ENTREP1: variants seen among roughly 807,000 people sequenced by gnomAD.
ENTREP1 encodes Friedreich ataxia region gene X123.
chr9:69,361,543 C>T, the ENTREP1 span, among the ~76,000 whole-genome samples: 33 of 152,268 alleles, frequency 2.2e-4, no homozygotes, highest in Non-Finnish European at 4.0e-4. Flanking sequence ...CTGTTATTGG[C>T]ATTTTGGTTC....
the ENTREP1 span, chr9:69,381,000 G>A: frequency 2.6e-5 from 4 of 152,398 alleles, no homozygotes; most frequent in African/African-American, 7.2e-5. Flanking sequence ...CAGCAACCCT[G>A]TACCCAGTCA....
chr9:69,347,561 C>T, the ENTREP1 span, among the ~76,000 whole-genome samples: 1 of 152,204 alleles, frequency 6.6e-6, no homozygotes, highest in Non-Finnish European at 1.5e-5. Flanking sequence ...GAGAGAGAAG[C>T]TTACATTCAA....
chr9:69,372,545 C>T, the ENTREP1 span, among the ~76,000 whole-genome samples: 1 of 152,096 alleles, frequency 6.6e-6, no homozygotes, highest in Non-Finnish European at 1.5e-5. Flanking sequence ...ATATAATATT[C>T]CATTGTATAT....
chr9:69,345,287 A>T, the ENTREP1 span, among the ~76,000 whole-genome samples: 1 of 152,204 alleles, frequency 6.6e-6, no homozygotes, highest in African/African-American at 2.4e-5. Flanking sequence ...AGAGAAAATA[A>T]TGATCTCTAA....
the ENTREP1 span, chr9:69,383,533 T>C: frequency 6.4e-7 from 1 of 1,561,824 alleles, no homozygotes; most frequent in Non-Finnish European, 8.7e-7. Flanking sequence ...TGAGTGGTTT[T>C]CCCCACAGTT....
chr9:69,364,065 AC>A, the ENTREP1 span, among the ~76,000 whole-genome samples: 1 of 152,240 alleles, frequency 6.6e-6, no homozygotes, highest in South Asian at 2.1e-4. Context: ...AAATTCTGGT[AC>A]CAAACCTAAT....
chr9:69,365,909 ATTAT>A, the ENTREP1 span, among the ~76,000 whole-genome samples: 1 of 152,112 alleles, frequency 6.6e-6, no homozygotes, highest in African/African-American at 2.4e-5. Flanking sequence ...TATACCATAT[ATTAT>A]TTATTCATTC....
At chr9:69,325,733 G>C in the ENTREP1 span, 1 of 1,213,028 alleles carries the variant, frequency 8.2e-7, no homozygotes, top group Non-Finnish European at 1.0e-6. Context: ...GGTGAGTACC[G>C]CGCGCGCGCC....
At chr9:69,336,141 T>C in the ENTREP1 span, 1 of 763,432 alleles carries the variant, frequency 1.3e-6, no homozygotes, top group Non-Finnish European at 2.1e-6. Flanking sequence ...TAAAAATATG[T>C]ACTTTTGTGA....
the ENTREP1 span, among the ~76,000 whole-genome samples, chr9:69,389,352 GTAAA>G: frequency 2.0e-5 from 3 of 152,194 alleles, no homozygotes; most frequent in Non-Finnish European, 2.9e-5. Context: ...TTCAAATTGA[GTAAA>G]TACCCTCTCA....
the ENTREP1 span, among the ~76,000 whole-genome samples, chr9:69,378,020 C>G: frequency 6.6e-6 from 1 of 152,142 alleles, no homozygotes; most frequent in Non-Finnish European, 1.5e-5. Flanking sequence ...CTGTCTCTCT[C>G]TCTCTGTTTT....
the ENTREP1 span, among the ~76,000 whole-genome samples, chr9:69,328,780 A>G: frequency 2.0e-5 from 3 of 152,226 alleles, no homozygotes; most frequent in South Asian, 2.1e-4. Context: ...GTACTGGTCA[A>G]TGGTTTTTAG....
chr9:69,348,279 AT>A, the ENTREP1 span, among the ~76,000 whole-genome samples: 1 of 151,824 alleles, frequency 6.6e-6, no homozygotes, highest in African/African-American at 2.4e-5. Flanking sequence ...TGCCCAGCTA[AT>A]TTTTTTTAAT....
At chr9:69,345,009 A>G in the ENTREP1 span, among the ~76,000 whole-genome samples, 2 of 152,218 alleles carry the variant, frequency 1.3e-5, no homozygotes, top group Admixed American at 1.3e-4. Context: ...TTCTATGAAT[A>G]TTACTTTTAT....
chr9:69,377,111 A>C, the ENTREP1 span, among the ~76,000 whole-genome samples: 1 of 152,168 alleles, frequency 6.6e-6, no homozygotes, highest in African/African-American at 2.4e-5. Context: ...CTATCATACC[A>C]CGTTGTTCTG....
chr9:69,369,625 T>C, the ENTREP1 span, among the ~76,000 whole-genome samples: 1 of 150,686 alleles, frequency 6.6e-6, no homozygotes, highest in Non-Finnish European at 1.5e-5. Context: ...GACACACAGT[T>C]TTCTAAAGTG....
chr9:69,375,386 G>A, the ENTREP1 span, among the ~76,000 whole-genome samples: 1 of 152,322 alleles, frequency 6.6e-6, no homozygotes, highest in Admixed American at 6.5e-5. Context: ...GGTTCCTTTT[G>A]GGGAAGAGTG....
chr9:69,329,271 A>G, the ENTREP1 span: 1 of 699,508 alleles, frequency 1.4e-6, no homozygotes, highest in Non-Finnish European at 1.8e-6. Flanking sequence ...TTTAGGCTTC[A>G]CTGAAAATTT....
At chr9:69,359,306 G>A in the ENTREP1 span, among the ~76,000 whole-genome samples, 2 of 152,116 alleles carry the variant, frequency 1.3e-5, no homozygotes. Flanking sequence ...ATCCACCAAT[G>A]AGCATACTAA....
Sources: gnomAD v4.1 joint callset for allele counts (sites outside exome capture counted in the v4.1 genomes callset) on GRCh38, gnomAD v4.1.1 for gene constraint, MANE v1.5 for transcripts, NCBI Gene and HGNC (gene_info 2026-07-23, HGNC 2026-07-21) for gene names.